Variants in MYO16 observed in about 807,000 individuals in gnomAD.
MYO16 encodes the protein unconventional myosin-XVI.
A neutral mutation model predicts 205.3 loss-of-function variants in MYO16; 94 were observed. That is an observed-to-expected ratio of 0.46 (90% CI 0.39 to 0.54). The LOEUF (loss-of-function observed/expected upper bound fraction) is 0.54, where lower values mean the gene tolerates loss of function less well. Among genes scored for constraint, MYO16 ranks in the 20% least tolerant of loss-of-function variants. MYO16 has a pLI of 0.00. For missense variants in MYO16, 2,315 were observed against 2,387.5 expected, an observed-to-expected ratio of 0.97 and a Z score of 0.63; for synonymous variants, 988 against 954.0, an observed-to-expected ratio of 1.04 and a Z score of -0.66.
intron 6 of MYO16, among the ~76,000 whole-genome samples, chr13:108,802,867 CTTCTT>C (rs1300639237): frequency 3.9e-5 from 6 of 152,100 alleles, no homozygotes; most frequent in Non-Finnish European, 8.8e-5. Context: ...AATTGTATAT[CTTCTT>C]TTGATAAATG....
chr13:108,865,344 T>C (rs1372438660), intron 11 of MYO16, among the ~76,000 whole-genome samples: 7 of 152,164 alleles, frequency 4.6e-5, no homozygotes, highest in Non-Finnish European at 1.0e-4. Context: ...ATTTTAGTCT[T>C]CTAGAAATTT....
At chr13:108,910,630 G>A (rs1881211221) in intron 16 of MYO16, among the ~76,000 whole-genome samples, 1 of 152,196 alleles carries the variant, frequency 6.6e-6, no homozygotes. Flanking sequence ...CTTGGTCATA[G>A]GAGAATGATG....
intron 34 of MYO16, among the ~76,000 whole-genome samples, chr13:109,202,781 C>A (rs765713590): frequency 6.6e-6 from 1 of 152,172 alleles, no homozygotes; most frequent in Non-Finnish European, 1.5e-5. Flanking sequence ...CTGGAGACAT[C>A]ACATTATCTG....
intron 25 of MYO16, chr13:109,054,281 TAG>T: frequency 2.6e-6 from 1 of 377,390 alleles, no homozygotes; most frequent in South Asian, 2.0e-5. Flanking sequence ...TGAAAAAAAA[TAG>T]AGTCTACTAC....
the MYO16 span, among the ~76,000 whole-genome samples, chr13:108,503,349 C>T: frequency 3.9e-5 from 6 of 151,946 alleles, no homozygotes; most frequent in Non-Finnish European, 5.9e-5. Context: ...TGCCGGGAGC[C>T]GACGATATAT....
intron 13 of MYO16, among the ~76,000 whole-genome samples, chr13:108,884,790 A>T (rs940308249): frequency 3.3e-5 from 5 of 152,032 alleles, no homozygotes; most frequent in African/African-American, 1.2e-4. Flanking sequence ...GCTCCAACCC[A>T]TTCTAAACTC....
chr13:108,878,396 G>A (rs898767042), intron 12 of MYO16, among the ~76,000 whole-genome samples: 3 of 152,206 alleles, frequency 2.0e-5, no homozygotes, highest in South Asian at 4.1e-4. Context: ...AGAGGAGATA[G>A]GCCACTGGAT....
intron 1 of MYO16, chr13:108,659,431 T>C (rs778653218): frequency 2.6e-6 from 1 of 390,812 alleles, no homozygotes; most frequent in South Asian, 1.9e-5. Context: ...AGGTACGCAC[T>C]CGCTGAGCAG....
the MYO16 span, among the ~76,000 whole-genome samples, chr13:108,502,927 G>A: frequency 0.012 from 1,756 of 152,140 alleles, 25 homozygotes; most frequent in African/African-American, 0.036. Flanking sequence ...AATGAAATTC[G>A]GCCTAAGAAA....
intron 4 of MYO16, among the ~76,000 whole-genome samples, chr13:108,771,208 A>G (rs1052610572): frequency 6.6e-6 from 1 of 152,154 alleles, no homozygotes; most frequent in African/African-American, 2.4e-5. Context: ...GGGAGAGGGT[A>G]GTCCTCACTT....
intron 23 of MYO16, among the ~76,000 whole-genome samples, chr13:109,041,605 G>C (rs192638393): frequency 6.6e-6 from 1 of 152,240 alleles, no homozygotes; most frequent in East Asian, 1.9e-4. Flanking sequence ...GATCCGTGTG[G>C]TGATGTAAAT....
chr13:108,943,449 CTTTTTTTTA>C (rs1566424825), intron 16 of MYO16, among the ~76,000 whole-genome samples: 1 of 152,010 alleles, frequency 6.6e-6, no homozygotes, highest in South Asian at 2.1e-4. Context: ...CTTGTTTCCT[CTTTTTTTTA>C]TTTTTTTTAT....
At chr13:108,758,658 A>G (rs1193398594) in intron 4 of MYO16, among the ~76,000 whole-genome samples, 2 of 152,196 alleles carry the variant, frequency 1.3e-5, no homozygotes, top group Non-Finnish European at 2.9e-5. Flanking sequence ...GATGTAGATG[A>G]CAGTGTATGT....
chr13:108,554,154 TGAC>T, the MYO16 span, among the ~76,000 whole-genome samples: 1 of 152,164 alleles, frequency 6.6e-6, no homozygotes, highest in African/African-American at 2.4e-5. Flanking sequence ...TGCCTTAACT[TGAC>T]GACAAATTAC....
chr13:108,552,664 C>A, the MYO16 span, among the ~76,000 whole-genome samples: 5 of 152,244 alleles, frequency 3.3e-5, no homozygotes, highest in African/African-American at 9.6e-5. Context: ...ACGTGTGTTA[C>A]AGTTATGTGC....
At chr13:108,561,344 C>G in the MYO16 span, among the ~76,000 whole-genome samples, 1 of 152,336 alleles carries the variant, frequency 6.6e-6, no homozygotes, top group African/African-American at 2.4e-5. Context: ...CTCTTTTATT[C>G]TCTTGGCATA....
Position 109,007,957 on chromosome 13 carries a change from C to T in MYO16, c.2443-940C>T, listed in dbSNP as rs144908929. Among the ~76,000 whole-genome samples the T allele has an allele frequency of 9.9e-4, 151 of 152,216 alleles. 2 individuals carry two copies. The highest frequency in any genetic ancestry group is 3.5e-3 in the African/African-American group (146 of 41,534). On this transcript the variant is annotated intron_variant, in intron 21 of 34. Transcript: ENST00000457511. ...CTCTGGGATCTCATGGTAAACCCAGCTTTATCTTCATTTCCTGATGAGAGC... is the reference window on the plus strand; with the variant it reads ...CTCTGGGATCTCATGGTAAACCCAGTTTTATCTTCATTTCCTGATGAGAGC...
chr13:108,794,828 T>A (rs1015864139), intron 6 of MYO16, among the ~76,000 whole-genome samples: 5 of 152,180 alleles, frequency 3.3e-5, no homozygotes, highest in Non-Finnish European at 7.3e-5. Flanking sequence ...AAGTGTGAAT[T>A]GAATTGAAAT....
At chr13:108,876,022 G>A (rs892157220) in intron 12 of MYO16, among the ~76,000 whole-genome samples, 32 of 152,128 alleles carry the variant, frequency 2.1e-4, no homozygotes, top group Non-Finnish European at 4.6e-4. Context: ...TGTCACATGA[G>A]AGTCTAAGTC....
Sources: gnomAD v4.1 joint callset for allele counts (sites outside exome capture counted in the v4.1 genomes callset) on GRCh38, gnomAD v4.1.1 for gene constraint, MANE v1.5 for transcripts, NCBI Gene and HGNC (gene_info 2026-07-23, HGNC 2026-07-21) for gene names.